SAMD5: variants seen among roughly 807,000 people sequenced by gnomAD.
The protein encoded by SAMD5 is sterile alpha motif domain-containing protein 5.
SAMD5 carries 13 observed loss-of-function variants against 11.3 expected under a neutral mutation model. That is an observed-to-expected ratio of 1.15 (90% CI 0.75 to 1.83). SAMD5 has a LOEUF of 1.83. Among genes scored for constraint, SAMD5 ranks in the 40% most tolerant of loss-of-function variants. The probability of loss-of-function intolerance (pLI) is 0.00; values close to 1 mark genes in which losing one functional copy is unlikely to be tolerated. For missense variants in SAMD5, 255 were observed against 239.1 expected, an observed-to-expected ratio of 1.07 and a Z score of -0.44; for synonymous variants, 129 against 111.3, an observed-to-expected ratio of 1.16 and a Z score of -1.00.
the SAMD5 span, among the ~76,000 whole-genome samples, chr6:147,833,346 A>G: frequency 4.6e-5 from 7 of 152,312 alleles, no homozygotes; most frequent in South Asian, 1.5e-3. Flanking sequence ...AATTATTCCA[A>G]ATTTGGGGAG....
At chr6:147,542,438 G>T (rs1301004739) in intron 1 of SAMD5, among the ~76,000 whole-genome samples, 1 of 152,224 alleles carries the variant, frequency 6.6e-6, no homozygotes, top group Non-Finnish European at 1.5e-5. Context: ...AGAGCCGTCT[G>T]TGTGGGAGAC....
chr6:147,847,360 G>A, the SAMD5 span, among the ~76,000 whole-genome samples: 1 of 152,282 alleles, frequency 6.6e-6, no homozygotes, highest in Admixed American at 6.5e-5. Flanking sequence ...TCACAACAAA[G>A]CAGATTTATT....
chr6:147,782,206 T>G, the SAMD5 span, among the ~76,000 whole-genome samples: 18 of 151,616 alleles, frequency 1.2e-4, no homozygotes, highest in African/African-American at 4.4e-4. Context: ...AAAATAAATA[T>G]GTTCAGTACT....
At chr6:147,665,641 C>T (rs1790706606) in intron 1 of SAMD5, among the ~76,000 whole-genome samples, 1 of 152,094 alleles carries the variant, frequency 6.6e-6, no homozygotes, top group Admixed American at 6.5e-5. Flanking sequence ...CTTCAACCAG[C>T]CACAAAACCA....
At chr6:147,515,535 T>C (rs935064303) in intron 1 of SAMD5, among the ~76,000 whole-genome samples, 7 of 152,072 alleles carry the variant, frequency 4.6e-5, no homozygotes, top group Admixed American at 1.3e-4. Context: ...CATTCATCCA[T>C]CCATCCTTCC....
chr6:147,593,931 C>A (rs978819785), intron 1 of SAMD5, among the ~76,000 whole-genome samples: 1 of 152,128 alleles, frequency 6.6e-6, no homozygotes, highest in Non-Finnish European at 1.5e-5. Flanking sequence ...AGTTTGAGAC[C>A]AGCCTGGCCA....
At chr6:147,606,187 C>T (rs892404858) in intron 1 of SAMD5, among the ~76,000 whole-genome samples, 1 of 152,098 alleles carries the variant, frequency 6.6e-6, no homozygotes, top group Non-Finnish European at 1.5e-5. Flanking sequence ...GACCCCATGG[C>T]GTGGGTGCAG....
the SAMD5 span, among the ~76,000 whole-genome samples, chr6:147,856,703 T>G: frequency 5.2e-3 from 789 of 151,838 alleles, 6 homozygotes; most frequent in African/African-American, 0.018. Context: ...AAAGCTGGCT[T>G]AATAGGTATA....
chr6:147,856,052 A>G, the SAMD5 span, among the ~76,000 whole-genome samples: 1 of 152,246 alleles, frequency 6.6e-6, no homozygotes, highest in Non-Finnish European at 1.5e-5. Context: ...TGAATACATG[A>G]GTAAACTATG....
the SAMD5 span, among the ~76,000 whole-genome samples, chr6:147,796,882 G>C: frequency 6.7e-6 from 1 of 149,408 alleles, no homozygotes; most frequent in East Asian, 2.0e-4. Flanking sequence ...TGTTGTTGGT[G>C]TATAGGAATG....
chr6:147,883,269 A>G, the SAMD5 span, among the ~76,000 whole-genome samples: 2 of 152,242 alleles, frequency 1.3e-5, no homozygotes, highest in Non-Finnish European at 2.9e-5. Flanking sequence ...GCTACTTAAA[A>G]ATAAAGTAAA....
At chr6:147,714,191 C>G (rs923241687) in intron 1 of SAMD5, among the ~76,000 whole-genome samples, 1 of 152,170 alleles carries the variant, frequency 6.6e-6, no homozygotes, top group Non-Finnish European at 1.5e-5. Flanking sequence ...GGAAGTCAGA[C>G]AGAGGTAGGT....
At chr6:147,692,183 A>G (rs1200846081) in intron 1 of SAMD5, among the ~76,000 whole-genome samples, 2 of 152,238 alleles carry the variant, frequency 1.3e-5, no homozygotes, top group African/African-American at 4.8e-5. Context: ...TTCATTGTTC[A>G]TGAAGTTCTC....
chr6:147,951,169 T>TTTTC, the SAMD5 span, among the ~76,000 whole-genome samples: 255 of 147,934 alleles, frequency 1.7e-3, 2 homozygotes, highest in Middle Eastern at 0.01. Flanking sequence ...TTCTTGTTTC[T>TTTTC]TTTCTTTCTT....
In SAMD5 at chr6:147,590,522, C is replaced by A. The variant is rs531227777; in HGVS notation, c.162+81135C>A. Among the ~76,000 whole-genome samples the A allele has an allele frequency of 8.5e-5, 13 of 152,310 alleles. No individual in the cohort carries two copies. In the East Asian group the frequency reaches 2.5e-3, roughly 29 times the overall value. On this transcript the variant is annotated intron_variant, in intron 1 of 1. Coordinates refer to the SAMD5 transcript ENST00000566741. Reference sequence around the variant, plus strand: ...CCGTCTCCCGGGCTCAAGCAATCCTCCCACCTCGGCCTCCTGAGTAGCTGG... The same window carrying A: ...CCGTCTCCCGGGCTCAAGCAATCCTACCACCTCGGCCTCCTGAGTAGCTGG...
intron 1 of SAMD5, among the ~76,000 whole-genome samples, chr6:147,616,580 A>G (rs1001468013): frequency 6.6e-6 from 1 of 152,130 alleles, no homozygotes; most frequent in African/African-American, 2.4e-5. Context: ...TGGTTCAGAT[A>G]ACATTTGTTC....
intron 1 of SAMD5, among the ~76,000 whole-genome samples, chr6:147,550,900 T>TTATATATATATATATA (rs10677162): frequency 6.6e-6 from 1 of 150,398 alleles, no homozygotes; most frequent in Non-Finnish European, 1.5e-5. Flanking sequence ...CCTCTTATAT[T>TTATATATATATATATA]TATATATATA....
the SAMD5 span, among the ~76,000 whole-genome samples, chr6:147,747,864 T>C: frequency 3.9e-5 from 6 of 152,194 alleles, no homozygotes; most frequent in African/African-American, 1.2e-4. Context: ...TTTTCTGTCA[T>C]TTTCAAATAG....
At chr6:147,871,271 A>G in the SAMD5 span, among the ~76,000 whole-genome samples, 2 of 152,184 alleles carry the variant, frequency 1.3e-5, no homozygotes, top group Non-Finnish European at 2.9e-5. Flanking sequence ...AAATAAACTA[A>G]TATTTTAGAG....
Sources: allele counts gnomAD v4.1 joint callset (sites outside exome capture counted in the v4.1 genomes callset), GRCh38; gene constraint gnomAD v4.1.1; transcripts MANE v1.5; gene names NCBI Gene and HGNC (gene_info 2026-07-23, HGNC 2026-07-21).